The following TUBA3E variants were observed in gnomAD, a reference collection of about 807,000 sequenced individuals.
TUBA3E encodes the protein tubulin alpha-3E chain.
In TUBA3E, 21 loss-of-function variants were observed where a neutral mutation model predicts 36.7. The ratio of observed to expected loss-of-function variants is 0.57; its 90% CI spans 0.41 to 0.83. TUBA3E has a LOEUF of 0.83. Ranked by LOEUF, TUBA3E falls within the 40% of genes least tolerant of loss-of-function variation. The pLI, the probability that TUBA3E is intolerant of heterozygous loss-of-function variation, is 0.00. For missense variants in TUBA3E, 469 were observed against 604.2 expected, an observed-to-expected ratio of 0.78 and a Z score of 2.35; for synonymous variants, 177 against 241.9, an observed-to-expected ratio of 0.73 and a Z score of 2.49.
intron 1 of TUBA3E, among the ~76,000 whole-genome samples, chr2:130,196,885 G>C (rs977365871): frequency 1.3e-5 from 2 of 152,168 alleles, no homozygotes; most frequent in African/African-American, 4.8e-5. Flanking sequence ...TGACCCTTGA[G>C]AACAGCATCA....
intron 4 of TUBA3E, 118 bp downstream of exon 4, chr2:130,193,668 C>T (rs1345194721): frequency 6.8e-6 from 9 of 1,324,264 alleles, no homozygotes; most frequent in Non-Finnish European, 9.3e-6. Flanking sequence ...CTAACTTATG[C>T]CCACATGCCT....
In TUBA3E at chr2:130,193,859, A is replaced by T. The variant is rs1690331772; in HGVS notation, c.983T>A (p.Val328Asp). 1 of 1,614,002 alleles carries T rather than the reference A, an allele frequency of 6.2e-7. No individual in the cohort carries two copies. The highest frequency in any genetic ancestry group is 1.3e-5 in the African/African-American group (1 of 74,914). The part of the protein sequence containing the change: ...LYRGDVVPKD[V>D]NAAIATIKTK... ...CTTGATGGTGGCGATGGCCGCATTG[A>T]CGTCTTTGGGGACCACGTCCCCCCT... The change falls in exon 4 of 5, where the codon GTC (valine) becomes GAC (aspartate). Residue 328 changes from valine to aspartate, a missense_variant. This residue lies in a region of TUBA3E where 296 missense variants were observed against 346.9 expected (regional missense o/e 0.85). Transcript: ENST00000312988.
intron 4 of TUBA3E, 46 bp from the exon 5 acceptor site, chr2:130,192,173 C>G: frequency 6.4e-7 from 1 of 1,555,960 alleles, no homozygotes; most frequent in Non-Finnish European, 8.7e-7. Flanking sequence ...TTATATCAAA[C>G]CTAGAAATGG....
chr2:130,194,529 G>A, intron 3 of TUBA3E, 63 bp from the exon 4 acceptor site: 1 of 1,482,372 alleles, frequency 6.7e-7, no homozygotes, highest in Non-Finnish European at 9.0e-7. Flanking sequence ...CCTCCAACAA[G>A]CCAGGGCCGC....
intron 4 of TUBA3E, among the ~76,000 whole-genome samples, chr2:130,192,821 T>C (rs1190633171): frequency 1.3e-5 from 2 of 152,094 alleles, no homozygotes; most frequent in East Asian, 3.9e-4. Context: ...TCAGGCCAGG[T>C]GTGGTGGCTC....
intron 4 of TUBA3E, among the ~76,000 whole-genome samples, chr2:130,192,693 C>T (rs1161329967): frequency 6.6e-6 from 1 of 152,148 alleles, no homozygotes; most frequent in Non-Finnish European, 1.5e-5. Flanking sequence ...AAGGTGGTAA[C>T]CAAAGGGGAA....
In TUBA3E at chr2:130,194,050, GCGGGGGTA is replaced by G. The variant is rs1690340226; in HGVS notation, c.784_791del (p.Tyr262HisfsTer15). 1 of 1,614,116 alleles carries G rather than the reference GCGGGGGTA, an allele frequency of 6.2e-7. No homozygotes were observed. The highest frequency in any genetic ancestry group is 1.3e-5 in the African/African-American group (1 of 74,956). On this transcript the variant is annotated frameshift_variant, in exon 4 of 5. Coordinates refer to ENST00000312988, the MANE Select transcript of TUBA3E (RefSeq NM_207312.3). LOFTEE classifies it high-confidence loss of function. ...CGTAGGTGGCCAGGGGGAAGTGGAT[GCGGGGGTA>G]CGGCACGAGGTTGGTCTGGAATTCC...
At chr2:130,197,237 C>G (rs1425347791) in intron 1 of TUBA3E, among the ~76,000 whole-genome samples, 6 of 152,096 alleles carry the variant, frequency 3.9e-5, no homozygotes, top group Admixed American at 1.3e-4. Context: ...TTCCTGTAAT[C>G]CCAGCACTTT....
intron 4 of TUBA3E, among the ~76,000 whole-genome samples, chr2:130,192,609 T>A (rs748318071): frequency 4.5e-4 from 69 of 152,152 alleles, no homozygotes; most frequent in Non-Finnish European, 7.2e-4. Context: ...AAGAGTCATA[T>A]GAATGCTGCT....
chr2:130,194,817 A>G (rs1024069632), intron 3 of TUBA3E, among the ~76,000 whole-genome samples: 1 of 152,186 alleles, frequency 6.6e-6, no homozygotes, highest in African/African-American at 2.4e-5. Flanking sequence ...AGCTGGCAGT[A>G]CAGGTGTGTG....
intron 4 of TUBA3E, among the ~76,000 whole-genome samples, chr2:130,192,862 GGC>G (rs1690300322): frequency 6.6e-6 from 1 of 152,240 alleles, no homozygotes; most frequent in African/African-American, 2.4e-5. Flanking sequence ...TTGGGAGACA[GGC>G]GGGCAGATCA....
At chr2:130,198,128 G>T (rs1370458412) in intron 1 of TUBA3E, among the ~76,000 whole-genome samples, 2 of 122,724 alleles carry the variant, frequency 1.6e-5, no homozygotes, top group Non-Finnish European at 3.6e-5. Flanking sequence ...TACCGTCAAT[G>T]GTCCCCGTCC....
At position 130,195,080 on chromosome 2, in the gene TUBA3E, A is replaced by C; in HGVS notation, c.374T>G (p.Leu125Arg). ...CCACATGAAACCTTCTCTTCTTACCAGTTTGCGGATCCGGTCCAGGACTAG... is the reference window on the plus strand; with the variant it reads ...CCACATGAAACCTTCTCTTCTTACCCGTTTGCGGATCCGGTCCAGGACTAG... ...VDLVLDRIRK[L>R]ADLCTGLQGF... Residue 125 changes from leucine (L) to arginine (R), a missense_variant and splice_region_variant, in exon 3 of 5, where the codon CTG becomes CGG. By Grantham distance (102) the Leu-to-Arg change is moderately radical. Transcript: ENST00000312988. The C allele has an allele frequency of 6.2e-7, 1 of 1,612,882 alleles. No homozygotes were observed. Among genetic ancestry groups the C allele is most frequent in the Non-Finnish European group, 8.5e-7 (1 of 1,179,216 alleles).
intron 1 of TUBA3E, 105 bp from the exon 2 acceptor site, chr2:130,196,476 T>C: frequency 6.8e-7 from 1 of 1,463,690 alleles, no homozygotes; most frequent in Non-Finnish European, 9.1e-7. Context: ...CTTCAGTATC[T>C]GGCGCTTTCA....
Position 130,198,278 on chromosome 2 carries a change from C to T in TUBA3E, c.3+80G>A, listed in dbSNP as rs545940767. The stretch of plus-strand genomic sequence containing the variant: ...CTGGCCTCCTCTCAGCGCCCAGGCC[C>T]GCAACAACGTCCCTCTGTCCACCCG... On this transcript the variant is annotated intron_variant, in intron 1 of 4. Transcript: ENST00000312988. 8.5e-5 allele frequency: 113 copies of T among 1,328,262 alleles called. 24 individuals are homozygous for T. In the African/African-American group the frequency reaches 1.4e-3, roughly 16 times the overall value. 82.3% of individuals were successfully genotyped at this position (1,328,262 alleles called of 1,614,324 possible).
In TUBA3E at chr2:130,194,155, G is replaced by A. The variant is rs1357400034; in HGVS notation, c.687C>T (p.Arg229=). 2 of 1,613,948 alleles carry A rather than the reference G, an allele frequency of 1.2e-6. No homozygotes were observed. The change falls in exon 4 of 5, where the codon CGC becomes CGT. Residue 229 remains arginine (R), a synonymous_variant. Coordinates refer to ENST00000312988, the MANE Select transcript of TUBA3E (RefSeq NM_207312.3). ...IERPTYTNLN[R]LIGQIVSSIT... ...TGGAGGACACGATCTGCCCAATCAG[G>A]CGATTGAGGTTGGTGTACGTGGGAC...
intron 3 of TUBA3E, among the ~76,000 whole-genome samples, chr2:130,194,734 G>C: frequency 6.6e-6 from 1 of 152,194 alleles, no homozygotes; most frequent in East Asian, 1.9e-4. Context: ...TTAGAGTGCA[G>C]TGGTGCAATC....
In TUBA3E at chr2:130,191,987, A is replaced by G. The variant is rs149620592; in HGVS notation, c.1197T>C (p.Tyr399=). ...ACCAGTGCACAAAGGCCCACTTGGCATACATGAGATCGAACTTATGGACCA... is the reference window on the plus strand; with the variant it reads ...ACCAGTGCACAAAGGCCCACTTGGCGTACATGAGATCGAACTTATGGACCA... ...ARLVHKFDLM[Y]AKWAFVHWYV... The change falls in exon 5 of 5, where the codon TAT becomes TAC. Residue 399 remains tyrosine (Y), a synonymous_variant. Coordinates refer to ENST00000312988, the MANE Select transcript of TUBA3E (RefSeq NM_207312.3). The G allele has an allele frequency of 2.5e-6, 4 of 1,614,042 alleles. No individual in the cohort carries two copies. The highest frequency in any genetic ancestry group is 1.7e-6 in the Non-Finnish European group (2 of 1,179,992).
At chr2:130,196,660 C>T (rs1387870021) in intron 1 of TUBA3E, among the ~76,000 whole-genome samples, 1 of 152,170 alleles carries the variant, frequency 6.6e-6, no homozygotes, top group East Asian at 1.9e-4. Flanking sequence ...ATAATCAACC[C>T]CACATTATAG....
Sources: gnomAD v4.1 joint callset for allele counts (sites outside exome capture counted in the v4.1 genomes callset) on GRCh38, gnomAD v4.1.1 for gene constraint, gnomAD v4.1.1 regional missense constraint, MANE v1.5 for transcripts, NCBI Gene and HGNC (gene_info 2026-07-23, HGNC 2026-07-21) for gene names.